Variants in CCSER1 observed in about 807,000 individuals in gnomAD.
CCSER1 encodes serine-rich coiled-coil domain-containing protein 1.
In CCSER1, 41 loss-of-function variants were observed where a neutral mutation model predicts 82.0. That is an observed-to-expected ratio of 0.50 (90% CI 0.39 to 0.65). The LOEUF is 0.65. CCSER1 is among the 30% of genes least tolerant of loss of function. The probability of loss-of-function intolerance (pLI) is 0.00; values close to 1 mark genes in which losing one functional copy is unlikely to be tolerated. For synonymous variants in CCSER1, 414 were observed against 383.9 expected, an observed-to-expected ratio of 1.08 and a Z score of -0.92; for missense variants, 1,119 against 1,064.2, an observed-to-expected ratio of 1.05 and a Z score of -0.72.
chr4:90,867,087 G>C (rs190459847), intron 8 of CCSER1, among the ~76,000 whole-genome samples: 2 of 151,910 alleles, frequency 1.3e-5, no homozygotes, highest in Non-Finnish European at 2.9e-5. Context: ...ACTTCTATTC[G>C]CACTTGCCCT....
chr4:90,322,107 A>G (rs1204040050), intron 3 of CCSER1, among the ~76,000 whole-genome samples: 1 of 152,036 alleles, frequency 6.6e-6, no homozygotes, highest in Non-Finnish European at 1.5e-5. Flanking sequence ...ATAGTTCCAT[A>G]GTTTGAGGTC....
intron 7 of CCSER1, chr4:90,780,294 A>G (rs1390697805): frequency 2.4e-6 from 2 of 837,998 alleles, no homozygotes; most frequent in Non-Finnish European, 3.7e-6. Context: ...CTAAAAAAGT[A>G]AGTCTAAACA....
intron 8 of CCSER1, chr4:90,911,225 T>C (rs1424044431): frequency 9.2e-6 from 4 of 435,344 alleles, no homozygotes; most frequent in African/African-American, 2.1e-5. Context: ...AAAAAAATTA[T>C]ATTAATAAAG....
At chr4:90,207,147 C>T (rs964577929) in intron 1 of CCSER1, among the ~76,000 whole-genome samples, 17 of 151,902 alleles carry the variant, frequency 1.1e-4, no homozygotes, top group East Asian at 3.9e-4. Flanking sequence ...TCCAATTTGC[C>T]GGTCTGTGTC....
At chr4:90,722,824 G>T (rs1333029197) in intron 6 of CCSER1, among the ~76,000 whole-genome samples, 3 of 151,910 alleles carry the variant, frequency 2.0e-5, no homozygotes, top group Non-Finnish European at 2.9e-5. Context: ...AATATGTCCA[G>T]TTTATTGTAC....
chr4:91,345,046 G>C (rs553254039), intron 10 of CCSER1, among the ~76,000 whole-genome samples: 65 of 152,276 alleles, frequency 4.3e-4, no homozygotes, highest in African/African-American at 1.5e-3. Flanking sequence ...TAAGTGCTAT[G>C]TTCCTTGAAG....
intron 1 of CCSER1, among the ~76,000 whole-genome samples, chr4:90,220,864 C>A (rs1446696887): frequency 2.6e-5 from 4 of 152,058 alleles, no homozygotes; most frequent in Non-Finnish European, 4.4e-5. Flanking sequence ...ATTTTAATAA[C>A]CTCTGGATTT....
chr4:90,709,868 C>A (rs1740171224), intron 6 of CCSER1, among the ~76,000 whole-genome samples: 1 of 151,902 alleles, frequency 6.6e-6, no homozygotes. Context: ...ACATTGTCTT[C>A]CACAATGGTA....
chr4:91,378,256 C>T (rs989217699), intron 10 of CCSER1, among the ~76,000 whole-genome samples: 4 of 152,078 alleles, frequency 2.6e-5, no homozygotes, highest in African/African-American at 9.7e-5. Context: ...TCCATATGAA[C>T]TTTAAAGTAG....
rs68192930 is a variant in CCSER1 at position 90,642,893 on chromosome 4, G to GT, written c.1932+14675dup. The stretch of plus-strand genomic sequence containing the variant: ...TACATACATACATGCATTATTTTCT[G>GT]TTTTTTTTTTTTTTAAAGTAAAAGT... On this transcript the variant is annotated intron_variant, in intron 6 of 10. Transcript: ENST00000509176. Among the ~76,000 whole-genome samples the GT allele has an allele frequency of 2.6e-3, 390 of 147,222 alleles. 1 individual carries two copies. The highest frequency in any genetic ancestry group is 3.7e-3 in the Non-Finnish European group (247 of 66,390).
intron 1 of CCSER1, among the ~76,000 whole-genome samples, chr4:90,176,896 T>C (rs1323038973): frequency 1.3e-5 from 2 of 152,088 alleles, no homozygotes; most frequent in Non-Finnish European, 2.9e-5. Flanking sequence ...AGTTAGGCTG[T>C]TGCAAGTCAT....
chr4:91,548,355 T>C lies in CCSER1; in HGVS notation c.2218-50217T>C, dbSNP rs568625501. 2.0e-5 allele frequency among the ~76,000 whole-genome samples: 3 copies of C among 152,024 alleles called. No homozygotes were observed. In the South Asian group the frequency reaches 6.2e-4, roughly 32 times the overall value. ...ATACACGGTCATACATGCACATAAA[T>C]TATACCTATTATTTTGAAGGAATAT... On this transcript the variant is annotated intron_variant, in intron 10 of 10. Transcript: ENST00000509176.
chr4:90,914,715 G>GAAA (rs61366146), intron 8 of CCSER1, among the ~76,000 whole-genome samples: 30,145 of 127,892 alleles, frequency 0.24, 3,470 homozygotes, highest in Non-Finnish European at 0.29. Context: ...GCTTTTTATT[G>GAAA]AAAAAAAAAA....
intron 10 of CCSER1, among the ~76,000 whole-genome samples, chr4:91,187,609 T>C (rs2149042812): frequency 6.6e-6 from 1 of 152,192 alleles, no homozygotes; most frequent in Admixed American, 6.5e-5. Flanking sequence ...TGGAGTGCAG[T>C]GATGCGATCT....
chr4:91,379,199 G>C (rs1484749747), intron 10 of CCSER1, among the ~76,000 whole-genome samples: 1 of 152,118 alleles, frequency 6.6e-6, no homozygotes, highest in Non-Finnish European at 1.5e-5. Flanking sequence ...CAGGGATATT[G>C]GTCTAAAATT....
At chr4:91,388,812 A>C (rs1751468989) in intron 10 of CCSER1, among the ~76,000 whole-genome samples, 1 of 151,838 alleles carries the variant, frequency 6.6e-6, no homozygotes, top group African/African-American at 2.4e-5. Flanking sequence ...TCCCTTCAGT[A>C]TTGAGTTGGT....
intron 6 of CCSER1, chr4:90,682,890 C>T (rs1334933345): frequency 3.3e-5 from 5 of 151,888 alleles, no homozygotes; most frequent in African/African-American, 1.2e-4. Flanking sequence ...AATGTTTTTA[C>T]ATTGACAGAA....
intron 8 of CCSER1, among the ~76,000 whole-genome samples, chr4:90,862,761 T>G (rs1765250721): frequency 6.6e-6 from 1 of 151,966 alleles, no homozygotes; most frequent in African/African-American, 2.4e-5. Context: ...CTACTCAGCA[T>G]ATTATGCACT....
rs751756782 is a variant in CCSER1, at chr4:90,309,527, G to T, written c.1243G>T (p.Asp415Tyr). 7.4e-6 allele frequency: 12 copies of T among 1,612,876 alleles called. No individual in the cohort carries two copies. Among genetic ancestry groups the T allele is most frequent in the Non-Finnish European group, 9.3e-6 (11 of 1,179,452 alleles). ...EHVKGIHPIS[D>Y]SKIIPTSGDH... ...TGTAAAAGGGATCCATCCTATTTCA[G>T]ATTCAAAGATAATACCTACTTCTGG... Residue 415 changes from aspartate (D) to tyrosine (Y), a missense_variant, in exon 2 of 11, where the codon GAT becomes TAT. Asp to Tyr is a radical substitution (Grantham distance 160). Coordinates refer to ENST00000509176, the MANE Select transcript of CCSER1 (RefSeq NM_001145065.2).
Sources: allele counts gnomAD v4.1 joint callset (sites outside exome capture counted in the v4.1 genomes callset), GRCh38; gene constraint gnomAD v4.1.1; transcripts MANE v1.5; gene names NCBI Gene and HGNC (gene_info 2026-07-23, HGNC 2026-07-21).